EFNA2: variants seen among roughly 807,000 people sequenced by gnomAD.
EFNA2 encodes the protein ephrin-A2.
In EFNA2, 18 loss-of-function variants were observed where a neutral mutation model predicts 19.7. The observed-to-expected ratio is 0.91, with a 90% CI of 0.63 to 1.35. EFNA2 has a LOEUF of 1.35. Among genes scored for constraint, EFNA2 ranks in the 40% most tolerant of loss-of-function variants. The probability of loss-of-function intolerance (pLI) is 0.00; values close to 1 mark genes in which losing one functional copy is unlikely to be tolerated. For missense variants in EFNA2, 303 were observed against 296.0 expected, an observed-to-expected ratio of 1.02 and a Z score of -0.17; for synonymous variants, 187 against 137.8, an observed-to-expected ratio of 1.36 and a Z score of -2.50.
In EFNA2 at chr19:1,297,532, G is replaced by T. The variant is rs955375264; in HGVS notation, c.455-1019G>T. Among the ~76,000 whole-genome samples, 2 of 152,046 alleles carry T rather than the reference G, an allele frequency of 1.3e-5. No individual in the cohort carries two copies. The highest frequency in any genetic ancestry group is 4.8e-5 in the African/African-American group (2 of 41,380). ...GCGGGCAGAGGTGGTGGCCATGAGA[G>T]CCAGGCCATCAGGGGCCCAGGGCCC... is the stretch of plus-strand genomic sequence containing the variant. On this transcript the variant is annotated intron_variant, in intron 2 of 3. Transcript: ENST00000215368. The surrounding 1 kb of genome is among the most constrained non-coding windows in gnomAD (Gnocchi z 5.0).
At chr19:1,291,065 G>A (rs1473520422) in intron 1 of EFNA2, among the ~76,000 whole-genome samples, 6 of 152,188 alleles carry the variant, frequency 3.9e-5, no homozygotes, top group African/African-American at 9.7e-5. Flanking sequence ...CCTGAAAGAC[G>A]GTGACTCACC....
chr19:1,298,021 G>A (rs558389061), intron 2 of EFNA2, among the ~76,000 whole-genome samples: 5 of 137,392 alleles, frequency 3.6e-5, no homozygotes, highest in South Asian at 2.4e-4. Context: ...GCAGTGAGCC[G>A]AGATCGTACC....
chr19:1,292,752 A>G (rs920248524), intron 1 of EFNA2, among the ~76,000 whole-genome samples: 1 of 152,196 alleles, frequency 6.6e-6, no homozygotes, highest in Admixed American at 6.5e-5. Context: ...GCCGCCGCCA[A>G]CGTGTTACAG....
At position 1,301,288 on chromosome 19, in the gene EFNA2, G is replaced by T. The variant is rs1454740775; in HGVS notation, c.*1343G>T. Among the ~76,000 whole-genome samples the T allele has an allele frequency of 6.6e-6, 1 of 150,720 alleles. No individual in the cohort carries two copies. The highest frequency in any genetic ancestry group is 1.9e-4 in the East Asian group (1 of 5,176). ...CGGCTCGAGGCACGCCCGGTGGTGG[G>T]GGGTGGGCAGAGGGCTTTTGTAGGG... On this transcript the variant is annotated 3_prime_UTR_variant, in exon 4 of 4. Transcript: ENST00000215368.
rs2081535058 is a variant in EFNA2 at position 1,300,188 on chromosome 19, C to A, written c.*243C>A. 8.1e-6 allele frequency: 3 copies of A among 370,394 alleles called. No individual in the cohort carries two copies. Among genetic ancestry groups the A allele is most frequent in the Non-Finnish European group, 9.5e-6 (2 of 210,442 alleles). The allele number at this position is 370,394 out of a possible 1,614,324, so 22.9% of individuals were successfully genotyped here. A position where few individuals can be genotyped will look rare whatever the true frequency, so the allele number is the denominator to read the frequency against. ...GAGGGGCCGGGGTGTGGATGCGGACCGTGGCCAGGCCATCTCCTCTGGGGC... is the reference window on the plus strand; with the variant it reads ...GAGGGGCCGGGGTGTGGATGCGGACAGTGGCCAGGCCATCTCCTCTGGGGC... On this transcript the variant is annotated 3_prime_UTR_variant, in exon 4 of 4. Coordinates refer to ENST00000215368, the MANE Select transcript of EFNA2 (RefSeq NM_001405.4).
In EFNA2 at chr19:1,295,807, C is replaced by A; in HGVS notation, c.403C>A (p.Pro135Thr). ...CTCGGAGAAGTTCCAGCTCTTCACG[C>A]CCTTCTCCCTGGGCTTCGAGTTCCG... ...KFSEKFQLFTPFSLGFEFRPG... is the reference protein window; with the variant it reads ...KFSEKFQLFTTFSLGFEFRPG... The change falls in exon 2 of 4, where the codon CCC becomes ACC. Residue 135 changes from proline to threonine, a missense_variant. Coordinates refer to ENST00000215368, the MANE Select transcript of EFNA2 (RefSeq NM_001405.4). The surrounding 1 kb of genome is among the most constrained non-coding windows in gnomAD (Gnocchi z 5.8). 6.2e-7 allele frequency: 1 copy of A among 1,608,112 alleles called. No homozygotes were observed. Among genetic ancestry groups the A allele is most frequent in the Non-Finnish European group, 8.5e-7 (1 of 1,178,424 alleles).
chr19:1,298,653 C>A lies in EFNA2; in HGVS notation c.520+37C>A, dbSNP rs141813583. On this transcript the variant is annotated intron_variant, in intron 3 of 3. Coordinates refer to ENST00000215368, the MANE Select transcript of EFNA2 (RefSeq NM_001405.4). ...GGGGGATGGGCAGGATCCAGGCCCCCACCCCTGTGTCCTAAACCCACAGAA... is the reference window on the plus strand; with the variant it reads ...GGGGGATGGGCAGGATCCAGGCCCCAACCCCTGTGTCCTAAACCCACAGAA... 1.9e-3 allele frequency: 3,049 copies of A among 1,607,712 alleles called. 61 individuals carry two copies. In the African/African-American group the frequency reaches 0.036, roughly 19 times the overall value.
intron 1 of EFNA2, among the ~76,000 whole-genome samples, chr19:1,290,791 C>T (rs2081487710): frequency 6.6e-6 from 1 of 152,188 alleles, no homozygotes; most frequent in African/African-American, 2.4e-5. Flanking sequence ...CCTGTGCCCA[C>T]CGTCCCGTCG....
At position 1,294,739 on chromosome 19, in the gene EFNA2, T is replaced by C. The variant is rs2081506225; in HGVS notation, c.141-806T>C. On this transcript the variant is annotated intron_variant, in intron 1 of 3. Coordinates refer to ENST00000215368, the MANE Select transcript of EFNA2 (RefSeq NM_001405.4). This position sits in a 1 kb window ranked among gnomAD's most constrained non-coding sequence, Gnocchi z 5.8. ...GAGGGATTCTTCACGCCAAGCTCCG[T>C]TCTCTTTGGGGAAACTGAGGCCAGG... 6.6e-6 allele frequency among the ~76,000 whole-genome samples: 1 copy of C among 151,936 alleles called. No individual in the cohort carries two copies. The highest frequency in any genetic ancestry group is 2.1e-4 in the South Asian group (1 of 4,814).
In EFNA2 at chr19:1,286,108, G is replaced by A; in HGVS notation, c.-61G>A. ...CTCGGCGGCGGCGGCGGCGGCGGAG[G>A]AGGCGGAGAAGGCTGGCAGGCGGCG... On this transcript the variant is annotated 5_prime_UTR_variant, in exon 1 of 4. Coordinates refer to ENST00000215368, the MANE Select transcript of EFNA2 (RefSeq NM_001405.4). This position sits in a 1 kb window ranked among gnomAD's most constrained non-coding sequence, Gnocchi z 5.6. The A allele has an allele frequency of 1.8e-6, 1 of 562,800 alleles. No individual in the cohort carries two copies. The highest frequency in any genetic ancestry group is 2.2e-6 in the Non-Finnish European group (1 of 446,036). The allele number at this position is 562,800 out of a possible 1,614,324, so 34.9% of individuals were successfully genotyped here. A position where few individuals can be genotyped will look rare whatever the true frequency, so the allele number is the denominator to read the frequency against.
At chr19:1,298,430 A>G in intron 2 of EFNA2, 121 bp from the exon 3 acceptor site, 1 of 904,694 alleles carries the variant, frequency 1.1e-6, no homozygotes, top group South Asian at 1.5e-5. Context: ...TAGGAGTTTT[A>G]AGGGTGGCTC....
In EFNA2 at chr19:1,286,912, G is replaced by C. The variant is rs1278473244; in HGVS notation, c.140+604G>C. Among the ~76,000 whole-genome samples, 1 of 152,196 alleles carries C rather than the reference G, an allele frequency of 6.6e-6. No homozygotes were observed. The highest frequency in any genetic ancestry group is 2.4e-5 in the African/African-American group (1 of 41,460). Reference sequence around the variant, plus strand: ...CCGGGGAGCTGGGGGTCAGCCCCGGGAGGGGCAGTGGGATGGAGTCCTCTC... The same window carrying C: ...CCGGGGAGCTGGGGGTCAGCCCCGGCAGGGGCAGTGGGATGGAGTCCTCTC... On this transcript the variant is annotated intron_variant, in intron 1 of 3. Transcript: ENST00000215368. This position sits in a 1 kb window ranked among gnomAD's most constrained non-coding sequence, Gnocchi z 5.6.
intron 1 of EFNA2, among the ~76,000 whole-genome samples, chr19:1,290,712 C>T (rs556306965): frequency 8.5e-5 from 13 of 152,318 alleles, no homozygotes; most frequent in African/African-American, 2.9e-4. Flanking sequence ...CCAGCCTCTC[C>T]TGCAGATGGG....
Position 1,286,290 on chromosome 19 carries a change from G to A in EFNA2, c.122G>A (p.Trp41Ter). 1 of 1,062,334 alleles carries A rather than the reference G, an allele frequency of 9.4e-7. No individual in the cohort carries two copies. The highest frequency in any genetic ancestry group is 1.1e-6 in the Non-Finnish European group (1 of 875,326). 65.8% of individuals were successfully genotyped at this position (1,062,334 alleles called of 1,614,324 possible). A position where few individuals can be genotyped will look rare whatever the true frequency, so the allele number is the denominator to read the frequency against. ...AACTCGGACCGCTACGCCGTCTACT[G>A]GAACCGCAGCAACCCCAGGTGAGCG... The part of the protein sequence containing the change: ...RANSDRYAVY[W>*]NRSNPRFHAG... Residue 41 changes from tryptophan (W) to a stop codon, truncating the protein, a stop_gained, in exon 1 of 4, where the codon TGG (tryptophan) becomes TAG (stop). Coordinates refer to ENST00000215368, the MANE Select transcript of EFNA2 (RefSeq NM_001405.4). LOFTEE classifies it high-confidence loss of function. This position sits in a 1 kb window ranked among gnomAD's most constrained non-coding sequence, Gnocchi z 5.6.
rs368435028 is a variant in EFNA2, at chr19:1,289,685, C to G, written c.140+3377C>G. Among the ~76,000 whole-genome samples the G allele has an allele frequency of 2.6e-5, 4 of 152,328 alleles. No individual in the cohort carries two copies. The South Asian group carries it at 8.3e-4, about 32-fold the overall frequency. On this transcript the variant is annotated intron_variant, in intron 1 of 3. Transcript: ENST00000215368. The stretch of plus-strand genomic sequence containing the variant: ...ACCCTCCCGGGGTTCCCCACGGACC[C>G]AGTGGCCCTCGGGTGTGGGCAGCAG...
chr19:1,288,431 A>C (rs969388184), intron 1 of EFNA2, among the ~76,000 whole-genome samples: 2 of 151,764 alleles, frequency 1.3e-5, no homozygotes, highest in African/African-American at 4.8e-5. Context: ...CTAAGGTGTG[A>C]GGCTGGGCTG....
Position 1,300,975 on chromosome 19 carries a change from G to T in EFNA2, c.*1030G>T, listed in dbSNP as rs1214101971. 6.6e-6 allele frequency among the ~76,000 whole-genome samples: 1 copy of T among 151,688 alleles called. No individual in the cohort carries two copies. The highest frequency in any genetic ancestry group is 1.5e-5 in the Non-Finnish European group (1 of 67,932). ...ATAGGGGGTCTTTTATTTTGGTGGG[G>T]GGGTGGGGTGGACTTTTAGAGTAGA... On this transcript the variant is annotated 3_prime_UTR_variant, in exon 4 of 4. Coordinates refer to ENST00000215368, the MANE Select transcript of EFNA2 (RefSeq NM_001405.4).
intron 1 of EFNA2, among the ~76,000 whole-genome samples, chr19:1,292,459 G>T (rs988329968): frequency 6.6e-5 from 10 of 152,222 alleles, no homozygotes; most frequent in African/African-American, 2.4e-4. Context: ...TAGGGCCCTG[G>T]GGAGGGGACA....
chr19:1,291,148 C>A (rs530188534), intron 1 of EFNA2, among the ~76,000 whole-genome samples: 48 of 152,304 alleles, frequency 3.2e-4, no homozygotes, highest in African/African-American at 1.2e-3. Context: ...CCAGGGACAG[C>A]CCTGGGAGGG....
Sources: allele counts gnomAD v4.1 joint callset (sites outside exome capture counted in the v4.1 genomes callset), GRCh38; gene constraint gnomAD v4.1.1; non-coding constraint Gnocchi (gnomAD v3.1); transcripts MANE v1.5; gene names NCBI Gene and HGNC (gene_info 2026-07-23, HGNC 2026-07-21).